The following DHX57 variants were observed in gnomAD, a reference collection of about 807,000 sequenced individuals.
DHX57 encodes the protein DExH-box helicase 57.
In DHX57, 105 loss-of-function variants were observed where a neutral mutation model predicts 156.2. The ratio of observed to expected loss-of-function variants is 0.67; its 90% CI spans 0.57 to 0.79. The LOEUF is 0.79. Among genes scored for constraint, DHX57 ranks in the 30% least tolerant of loss-of-function variants. The pLI, the probability that DHX57 is intolerant of heterozygous loss-of-function variation, is 0.00. For missense variants in DHX57, 1,847 were observed against 1,661.9 expected (o/e 1.11, Z -1.94); for synonymous variants, 704 against 595.6 (o/e 1.18, Z -2.65).
chr2:38,807,997 C>G lies in DHX57; in HGVS notation c.3682-1304G>C, dbSNP rs539876846. ...TTGAGATGGAGTCTTGTTGTGTCACCAGGCTGGAGTGCAGTGGCGTGATGT... is the reference window on the plus strand; with the variant it reads ...TTGAGATGGAGTCTTGTTGTGTCACGAGGCTGGAGTGCAGTGGCGTGATGT... On this transcript the variant is annotated intron_variant, in intron 21 of 23. Coordinates refer to ENST00000457308, the MANE Select transcript of DHX57 (RefSeq NM_198963.3). 1.0e-3 allele frequency among the ~76,000 whole-genome samples: 120 copies of G among 117,568 alleles called. 1 individual carries two copies. Among genetic ancestry groups the G allele is most frequent in the African/African-American group, 3.6e-3 (111 of 31,140 alleles). The allele number at this position is 117,568 out of a possible 152,430, so 77.1% of individuals were successfully genotyped here.
At chr2:38,798,944 C>A (rs1432565867) in intron 23 of DHX57, among the ~76,000 whole-genome samples, 1 of 151,322 alleles carries the variant, frequency 6.6e-6, no homozygotes, top group Non-Finnish European at 1.5e-5. Context: ...CTCTGTCCCC[C>A]CTGCTCCCCA....
chr2:38,848,708 T>C (rs1672420402), intron 9 of DHX57, among the ~76,000 whole-genome samples: 5 of 152,322 alleles, frequency 3.3e-5, no homozygotes, highest in Admixed American at 2.6e-4. Flanking sequence ...AAGAAATCAA[T>C]TTATGTTTCA....
intron 6 of DHX57, chr2:38,856,779 C>CT (rs78524199): frequency 4.1e-3 from 654 of 157,810 alleles, no homozygotes; most frequent in South Asian, 0.011. Context: ...GGGATTACAG[C>CT]TTTTTTTTTT....
chr2:38,838,082 T>C, intron 12 of DHX57, 135 bp from the exon 13 acceptor site: 1 of 642,134 alleles, frequency 1.6e-6, no homozygotes, highest in Non-Finnish European at 2.7e-6. Flanking sequence ...TAACATTTAA[T>C]GTACTGAAAT....
rs144267462 is a variant in DHX57, at chr2:38,798,959, A to G, written c.4018-517T>C. On this transcript the variant is annotated intron_variant, in intron 23 of 23. Transcript: ENST00000457308. ...CTCTGTCCCCCCTGCTCCCCAAAAAAGAAAAGATTCAGTCTGGAAGTATGG... is the reference window on the plus strand; with the variant it reads ...CTCTGTCCCCCCTGCTCCCCAAAAAGGAAAAGATTCAGTCTGGAAGTATGG... 5.7e-4 allele frequency among the ~76,000 whole-genome samples: 87 copies of G among 152,206 alleles called. 1 individual carries two copies. In the East Asian group the frequency reaches 0.013, roughly 23 times the overall value.
In DHX57 at chr2:38,821,825, T is replaced by C. The variant is rs531429032; in HGVS notation, c.3291+1168A>G. Among the ~76,000 whole-genome samples the C allele has an allele frequency of 4.5e-4, 68 of 152,300 alleles. 1 individual carries two copies. In the South Asian group the frequency reaches 0.013, roughly 30 times the overall value. On this transcript the variant is annotated intron_variant, in intron 17 of 23. Transcript: ENST00000457308. The stretch of plus-strand genomic sequence containing the variant: ...GAATCAGAAAAAGGGACATTATTAC[T>C]AGCCTTACAGAAATAAAAAGGATTA...
At chr2:38,860,936 G>A (rs1673158278) in intron 5 of DHX57, 63 bp downstream of exon 5, 1 of 1,455,418 alleles carries the variant, frequency 6.9e-7, no homozygotes, top group East Asian at 2.3e-5. Context: ...CAGCCTTAAA[G>A]GCTTTGACTT....
intron 22 of DHX57, among the ~76,000 whole-genome samples, chr2:38,803,214 G>A (rs1037820690): frequency 2.0e-5 from 3 of 151,958 alleles, no homozygotes; most frequent in Non-Finnish European, 2.9e-5. Flanking sequence ...CTGGGCTCCA[G>A]CAATCCTTCT....
chr2:38,868,220 A>T lies in DHX57; in HGVS notation c.186T>A (p.Asp62Glu). Residue 62 changes from aspartate (D) to glutamate (E), a missense_variant, in exon 2 of 24, where the codon GAT becomes GAA. Coordinates refer to ENST00000457308, the MANE Select transcript of DHX57 (RefSeq NM_198963.3). ...TTGATTCACTGAAGATACAAAAGTC[A>T]TCTCCATCATCCCATATTCTACTGG... The part of the protein sequence containing the change: ...KASSRIWDDG[D>E]DFCIFSESRR... 1 of 1,614,118 alleles carries T rather than the reference A, an allele frequency of 6.2e-7. No individual in the cohort carries two copies. Among genetic ancestry groups the T allele is most frequent in the Non-Finnish European group, 8.5e-7 (1 of 1,180,030 alleles).
intron 7 of DHX57, 44 bp from the exon 8 acceptor site, chr2:38,855,296 G>A: frequency 6.4e-7 from 1 of 1,568,214 alleles, no homozygotes; most frequent in South Asian, 1.1e-5. Flanking sequence ...GTTTTCAAGG[G>A]CTAGTTAACT....
intron 13 of DHX57, among the ~76,000 whole-genome samples, chr2:38,834,866 C>T (rs1387140182): frequency 1.3e-5 from 2 of 152,152 alleles, no homozygotes; most frequent in African/African-American, 2.4e-5. Flanking sequence ...GAAAATCTTA[C>T]GCTTTTTGAG....
intron 12 of DHX57, 145 bp from the exon 13 acceptor site, chr2:38,838,092 T>G: frequency 1.6e-6 from 1 of 626,316 alleles, no homozygotes. Flanking sequence ...TGTACTGAAA[T>G]GAACTTTTTT....
rs745912432 is a variant in DHX57 at position 38,868,249 on chromosome 2, C to T, written c.157G>A (p.Ala53Thr). The change falls in exon 2 of 24, where the codon GCC (alanine) becomes ACC (threonine). Residue 53 changes from alanine (A) to threonine (T), a missense_variant. By Grantham distance (58) the Ala-to-Thr change is moderately conservative (BLOSUM62 0). Coordinates refer to ENST00000457308, the MANE Select transcript of DHX57 (RefSeq NM_198963.3). ...CCATCATCCCATATTCTACTGGAGGCCTTTCTGTTGCCGCCACCTCCACCA... is the reference window on the plus strand; with the variant it reads ...CCATCATCCCATATTCTACTGGAGGTCTTTCTGTTGCCGCCACCTCCACCA... ...GGGGGGGNRK[A>T]SSRIWDDGDD... is the part of the protein sequence containing the mutation. The T allele has an allele frequency of 6.2e-6, 10 of 1,613,960 alleles. No homozygotes were observed. In the African/African-American group the frequency reaches 9.3e-5, roughly 15 times the overall value.
chr2:38,823,021 G>T lies in DHX57; in HGVS notation c.3263C>A (p.Ala1088Asp). ...FRCLDPALTI[A>D]ASLAFKSPFV... ...CGGAGACTTAAAAGCCAAACTGGCA[G>T]CAATGGTGAGAGCAGGATCCAAACA... is the stretch of plus-strand genomic sequence containing the variant. Residue 1088 changes from alanine (A) to aspartate (D), a missense_variant, in exon 17 of 24, where the codon GCT (alanine) becomes GAT (aspartate). Transcript: ENST00000457308. 2 of 1,614,114 alleles carry T rather than the reference G, an allele frequency of 1.2e-6. No homozygotes were observed. Among genetic ancestry groups the T allele is most frequent in the Non-Finnish European group, 1.7e-6 (2 of 1,180,016 alleles).
At chr2:38,827,399 T>C (rs1053537070) in intron 14 of DHX57, among the ~76,000 whole-genome samples, 3 of 144,030 alleles carry the variant, frequency 2.1e-5, no homozygotes, top group African/African-American at 7.8e-5. Flanking sequence ...GGCAGAAGAA[T>C]CACTTGAACC....
At chr2:38,805,293 G>T (rs903949051) in intron 22 of DHX57, among the ~76,000 whole-genome samples, 2 of 152,180 alleles carry the variant, frequency 1.3e-5, no homozygotes, top group African/African-American at 4.8e-5. Flanking sequence ...ATGGTCCTCA[G>T]TAGTTCCAGA....
At position 38,843,014 on chromosome 2, in the gene DHX57, G is replaced by A. The variant is rs145590165; in HGVS notation, c.2416C>T (p.Arg806Cys). The A allele has an allele frequency of 2.5e-6, 4 of 1,613,938 alleles. No individual in the cohort carries two copies. The highest frequency in any genetic ancestry group is 1.1e-5 in the South Asian group (1 of 91,066). Residue 806 changes from arginine to cysteine, a missense_variant, in exon 12 of 24, where the codon CGC becomes TGC. Coordinates refer to ENST00000457308, the MANE Select transcript of DHX57 (RefSeq NM_198963.3). ...QQLDFKQLLA[R>C]YKGVSKSVIK... is the part of the protein sequence containing the mutation. ...CCAAGAGGCATGTTACCTTTATAGC[G>A]GGCCAGGAGCTGCTTAAAATCTAAC...
intron 7 of DHX57, among the ~76,000 whole-genome samples, chr2:38,855,925 C>T (rs1672873258): frequency 1.3e-5 from 2 of 152,062 alleles, no homozygotes; most frequent in South Asian, 4.1e-4. Flanking sequence ...GGTAAAACAC[C>T]CCTCTCTACT....
intron 7 of DHX57, among the ~76,000 whole-genome samples, chr2:38,855,654 G>A (rs961819026): frequency 2.0e-5 from 3 of 152,066 alleles, no homozygotes; most frequent in Admixed American, 6.5e-5. Context: ...TAGAAGGTAC[G>A]AATTATTACC....
Sources: gnomAD v4.1 joint callset for allele counts (sites outside exome capture counted in the v4.1 genomes callset) on GRCh38, gnomAD v4.1.1 for gene constraint, MANE v1.5 for transcripts, NCBI Gene and HGNC (gene_info 2026-07-23, HGNC 2026-07-21) for gene names.